FOXN2: variants seen among roughly 807,000 people sequenced by gnomAD.
FOXN2 encodes the protein forkhead box protein N2.
FOXN2 carries 19 observed loss-of-function variants against 41.2 expected under a neutral mutation model. The ratio of observed to expected loss-of-function variants is 0.46; its 90% CI spans 0.32 to 0.68. The LOEUF (loss-of-function observed/expected upper bound fraction) is 0.68, where lower values mean the gene tolerates loss of function less well. Among genes scored for constraint, FOXN2 ranks in the 30% least tolerant of loss-of-function variants. The probability of loss-of-function intolerance (pLI) is 0.03; values close to 1 mark genes in which losing one functional copy is unlikely to be tolerated. For missense variants in FOXN2, 587 were observed against 509.4 expected (o/e 1.15, Z -1.47); for synonymous variants, 195 against 176.8 (o/e 1.10, Z -0.82).
intron 2 of FOXN2, among the ~76,000 whole-genome samples, chr2:48,339,290 C>T (rs1422802130): frequency 6.6e-6 from 1 of 152,050 alleles, no homozygotes; most frequent in Non-Finnish European, 1.5e-5. Flanking sequence ...ATTGTAATCC[C>T]CAAGTGTTGA....
intron 1 of FOXN2, among the ~76,000 whole-genome samples, chr2:48,324,082 A>G (rs552880397): frequency 1.3e-5 from 2 of 152,314 alleles, no homozygotes; most frequent in South Asian, 4.1e-4. Context: ...TATGTCATCA[A>G]CTATCTCTTA....
At chr2:48,350,402 A>G (rs1008122357) in intron 3 of FOXN2, among the ~76,000 whole-genome samples, 2 of 152,236 alleles carry the variant, frequency 1.3e-5, no homozygotes, top group South Asian at 4.1e-4. Flanking sequence ...CTAGTGGCAC[A>G]TGGCACATTG....
rs1027743372 is a variant in FOXN2 at position 48,378,805 on chromosome 2, T to G, written c.*3362T>G. ...AAGGTGAATTCGAGTATTTTAATGT[T>G]ATACCTGCCATTTTTTTTCTTAAAG... On this transcript the variant is annotated 3_prime_UTR_variant, in exon 7 of 7. Coordinates refer to ENST00000340553, the MANE Select transcript of FOXN2 (RefSeq NM_002158.4). The G allele has an allele frequency of 1.3e-5, 2 of 152,524 alleles. No homozygotes were observed. Among genetic ancestry groups the G allele is most frequent in the African/African-American group, 4.8e-5 (2 of 41,454 alleles). The allele number at this position is 152,524 out of a possible 1,614,324, so 9.4% of individuals were successfully genotyped here.
rs375683290 is a variant in FOXN2, at chr2:48,315,106, A to C, written c.-157+292A>C. ...TCCTGAGAGGTAATGACCGCCCGGG[A>C]GGGGCTGTCGCGCGGCGGAAACCGC... On this transcript the variant is annotated intron_variant, in intron 1 of 6. Coordinates refer to ENST00000340553, the MANE Select transcript of FOXN2 (RefSeq NM_002158.4). Among the ~76,000 whole-genome samples the C allele has an allele frequency of 2.0e-5, 3 of 151,530 alleles. No individual in the cohort carries two copies. The East Asian group carries it at 5.9e-4, about 30-fold the overall frequency.
chr2:48,345,400 CAAGAGGAGT>C (rs953324976), intron 2 of FOXN2, among the ~76,000 whole-genome samples: 7 of 152,002 alleles, frequency 4.6e-5, no homozygotes, highest in African/African-American at 1.7e-4. Flanking sequence ...TCTGGTTACA[CAAGAGGAGT>C]AAGTTCTAGT....
At chr2:48,327,693 C>A (rs757864127) in intron 1 of FOXN2, among the ~76,000 whole-genome samples, 2 of 152,160 alleles carry the variant, frequency 1.3e-5, no homozygotes, top group African/African-American at 4.8e-5. Context: ...GATCCACCTG[C>A]CTTGGCCTCC....
At chr2:48,359,410 C>T (rs1024846244) in intron 4 of FOXN2, among the ~76,000 whole-genome samples, 2 of 152,082 alleles carry the variant, frequency 1.3e-5, no homozygotes, top group Admixed American at 6.5e-5. Context: ...CCTCCCACCT[C>T]GGCCTCCCTA....
intron 4 of FOXN2, among the ~76,000 whole-genome samples, chr2:48,359,587 C>A (rs1243012033): frequency 1.3e-5 from 2 of 151,850 alleles, no homozygotes; most frequent in Non-Finnish European, 2.9e-5. Flanking sequence ...AGCCACCATC[C>A]TCGGCCTGTT....
chr2:48,336,557 A>G (rs943139598), intron 2 of FOXN2, among the ~76,000 whole-genome samples: 12 of 151,974 alleles, frequency 7.9e-5, no homozygotes, highest in African/African-American at 2.9e-4. Flanking sequence ...AGAAATATGT[A>G]TATAATTTCC....
chr2:48,363,246 G>T (rs1672313025), intron 5 of FOXN2, among the ~76,000 whole-genome samples: 1 of 151,886 alleles, frequency 6.6e-6, no homozygotes. Flanking sequence ...TTGTATCTTT[G>T]TTTTTAACTA....
intron 4 of FOXN2, among the ~76,000 whole-genome samples, chr2:48,361,872 C>T (rs928168733): frequency 1.3e-5 from 2 of 152,190 alleles, no homozygotes; most frequent in Non-Finnish European, 2.9e-5. Flanking sequence ...TTTGCTATCA[C>T]TACCAAGTGT....
intron 6 of FOXN2, among the ~76,000 whole-genome samples, chr2:48,373,985 G>A (rs1005160663): frequency 1.3e-5 from 2 of 151,720 alleles, no homozygotes; most frequent in African/African-American, 4.9e-5. Flanking sequence ...AACCTGGGAG[G>A]TGGGGGTTGC....
At chr2:48,372,904 A>C (rs1673002873) in intron 5 of FOXN2, among the ~76,000 whole-genome samples, 1 of 150,906 alleles carries the variant, frequency 6.6e-6, no homozygotes, top group Non-Finnish European at 1.5e-5. Context: ...AGGTAATGAT[A>C]GTATTCAAGT....
At chr2:48,353,560 G>C (rs1671593138) in intron 3 of FOXN2, among the ~76,000 whole-genome samples, 1 of 45,582 alleles carries the variant, frequency 2.2e-5, no homozygotes. Context: ...GACTGTGTGT[G>C]TGTGTGTGTG....
chr2:48,318,512 G>C (rs1017421201), intron 1 of FOXN2, among the ~76,000 whole-genome samples: 4 of 152,140 alleles, frequency 2.6e-5, no homozygotes, highest in Non-Finnish European at 5.9e-5. Context: ...CGCTTACCTT[G>C]ATCAGGTGGT....
chr2:48,374,039 C>G (rs1316576352), intron 6 of FOXN2, among the ~76,000 whole-genome samples: 5 of 150,322 alleles, frequency 3.3e-5, no homozygotes, highest in Non-Finnish European at 7.4e-5. Flanking sequence ...CACTGCACTC[C>G]AGTCTGAGGG....
chr2:48,344,278 T>C lies in FOXN2; in HGVS notation c.-14-1923T>C, dbSNP rs148980736. Among the ~76,000 whole-genome samples, 456 of 152,326 alleles carry C rather than the reference T, an allele frequency of 3.0e-3. 5 individuals are homozygous for C. The highest frequency in any genetic ancestry group is 0.01 in the African/African-American group (434 of 41,580). ...AAACCAAATCCGTTATCGTTTGATC[T>C]TTTCCTTTTTACAGTGTTGTGATGT... is the stretch of plus-strand genomic sequence containing the variant. On this transcript the variant is annotated intron_variant, in intron 2 of 6. Transcript: ENST00000340553.
chr2:48,314,871 G>C (rs1302640673), intron 1 of FOXN2, 57 bp downstream of exon 1: 1 of 151,932 alleles, frequency 6.6e-6, no homozygotes, highest in Non-Finnish European at 1.5e-5. Flanking sequence ...CCCAGCCCGC[G>C]GCGCAGCTCC....
At chr2:48,318,543 G>T (rs78546013) in intron 1 of FOXN2, among the ~76,000 whole-genome samples, 3 of 152,124 alleles carry the variant, frequency 2.0e-5, no homozygotes, top group South Asian at 4.2e-4. Flanking sequence ...GTGGAGTTTC[G>T]CCCACTTTCC....
Sources: gnomAD v4.1 joint callset for allele counts (sites outside exome capture counted in the v4.1 genomes callset) on GRCh38, gnomAD v4.1.1 for gene constraint, MANE v1.5 for transcripts, NCBI Gene and HGNC (gene_info 2026-07-23, HGNC 2026-07-21) for gene names.